RNF20: variants seen among roughly 807,000 people sequenced by gnomAD.
RNF20 encodes ring finger protein 20.
A neutral mutation model predicts 126.2 loss-of-function variants in RNF20; 84 were observed. That is an observed-to-expected ratio of 0.67 (90% confidence interval 0.56 to 0.80). RNF20 has a LOEUF of 0.80. RNF20 is among the 30% of genes least tolerant of loss of function. The pLI, the probability that RNF20 is intolerant of heterozygous loss-of-function variation, is 0.00. For synonymous variants in RNF20, 400 were observed against 414.3 expected, an observed-to-expected ratio of 0.97 and a Z score of 0.42; for missense variants, 869 against 1,188.2, an observed-to-expected ratio of 0.73 and a Z score of 3.95.
Position 101,561,990 on chromosome 9 carries a change from G to C in RNF20, c.2730G>C (p.Met910Ile). 2 of 1,610,058 alleles carry C rather than the reference G, an allele frequency of 1.2e-6. No individual in the cohort carries two copies. The highest frequency in any genetic ancestry group is 1.7e-6 in the Non-Finnish European group (2 of 1,178,486). Residue 910 changes from methionine (M) to isoleucine (I), a missense_variant, in exon 19 of 20, where the codon ATG (methionine) becomes ATC (isoleucine). This residue lies in a region of RNF20 where 150 missense variants were observed against 173.7 expected (regional missense o/e 0.86). Transcript: ENST00000389120. ...TACCCAAGTGTGATGAGATTCTGAT[G>C]GAAGAGATTAAGGATTACAAGGTTA... The part of the protein sequence containing the change: ...DNVPKCDEIL[M>I]EEIKDYKARL...
rs1167951608 is a variant in RNF20, at chr9:101,562,977, C to T, written c.*555C>T. ...GAAATTATGTCTAGGATGATTCAGT[C>T]TATTTCCCATTTACTAGCAGAGTAA... On this transcript the variant is annotated 3_prime_UTR_variant, in exon 20 of 20. Coordinates refer to ENST00000389120, the MANE Select transcript of RNF20 (RefSeq NM_019592.7). 1 of 152,268 alleles carries T rather than the reference C, an allele frequency of 6.6e-6. No homozygotes were observed. The highest frequency in any genetic ancestry group is 1.5e-5 in the Non-Finnish European group (1 of 68,040). The allele number at this position is 152,268 out of a possible 1,614,324, so 9.4% of individuals were successfully genotyped here.
intron 1 of RNF20, chr9:101,534,269 A>C (rs1827149410): frequency 6.6e-6 from 1 of 152,120 alleles, no homozygotes; most frequent in Admixed American, 6.5e-5. Context: ...GTGCTTTAGC[A>C]TCCATTCCGC....
chr9:101,541,390 A>G (rs1179549290), intron 5 of RNF20, among the ~76,000 whole-genome samples: 2 of 152,242 alleles, frequency 1.3e-5, no homozygotes, highest in African/African-American at 4.8e-5. Flanking sequence ...TTAAATTTTT[A>G]GAAATTCTAA....
At chr9:101,551,996 G>A in intron 11 of RNF20, 145 bp from the exon 12 acceptor site, 1 of 1,315,886 alleles carries the variant, frequency 7.6e-7, no homozygotes, top group Middle Eastern at 2.0e-4. Context: ...AAGTTGACCA[G>A]TTTTGTTTTC....
chr9:101,559,015 G>A (rs1317309730), intron 16 of RNF20, among the ~76,000 whole-genome samples: 1 of 152,120 alleles, frequency 6.6e-6, no homozygotes, highest in Non-Finnish European at 1.5e-5. Context: ...TTGCTTTCTA[G>A]AATTTTTATG....
intron 13 of RNF20, 32 bp downstream of exon 13, chr9:101,552,785 C>A: frequency 6.4e-7 from 1 of 1,555,738 alleles, no homozygotes; most frequent in South Asian, 1.3e-5. Flanking sequence ...ACAGTTTCGA[C>A]TGAAAAGCTA....
intron 17 of RNF20, 58 bp from the exon 18 acceptor site, chr9:101,561,032 G>A (rs139197724): frequency 1.9e-6 from 3 of 1,603,168 alleles, no homozygotes; most frequent in Non-Finnish European, 2.6e-6. Context: ...CTAACATTTT[G>A]CCTCACTGGC....
chr9:101,541,759 C>T (rs1408498043), intron 5 of RNF20, among the ~76,000 whole-genome samples: 1 of 151,932 alleles, frequency 6.6e-6, no homozygotes, highest in East Asian at 1.9e-4. Context: ...AGAGTTGGTG[C>T]AGGTTTTAGA....
chr9:101,548,369 T>A (rs1827387151), intron 9 of RNF20, among the ~76,000 whole-genome samples: 1 of 152,182 alleles, frequency 6.6e-6, no homozygotes, highest in Non-Finnish European at 1.5e-5. Flanking sequence ...AAAGTTTTAG[T>A]TATGCAGGAT....
At chr9:101,561,024 A>G in intron 17 of RNF20, 66 bp from the exon 18 acceptor site, 8 of 1,601,662 alleles carry the variant, frequency 5.0e-6, no homozygotes, top group Non-Finnish European at 6.8e-6. Flanking sequence ...AACTTGGGCT[A>G]ACATTTTGCC....
At chr9:101,545,847 G>A (rs1827338673) in intron 6 of RNF20, among the ~76,000 whole-genome samples, 1 of 152,144 alleles carries the variant, frequency 6.6e-6, no homozygotes, top group African/African-American at 2.4e-5. Flanking sequence ...CTAACCTGGA[G>A]GGCAGTTGTT....
At chr9:101,561,526 C>T in intron 18 of RNF20, 1 of 415,518 alleles carries the variant, frequency 2.4e-6, no homozygotes, top group Admixed American at 4.2e-5. Context: ...TATAATGTCT[C>T]TATTTTTGTC....
At chr9:101,543,467 C>T (rs538610013) in intron 5 of RNF20, among the ~76,000 whole-genome samples, 2 of 147,856 alleles carry the variant, frequency 1.4e-5, no homozygotes, top group African/African-American at 5.0e-5. Context: ...CCTGCCAAGG[C>T]AGCACTGTCT....
At position 101,561,790 on chromosome 9, in the gene RNF20, A is replaced by G; in HGVS notation, c.2650-120A>G. ...CAGTTCTCTACATTTCTACAAGATA[A>G]TTGACCATAAAAGGATAGAAAGTCC... On this transcript the variant is annotated intron_variant, in intron 18 of 19. Transcript: ENST00000389120. 4 of 764,090 alleles carry G rather than the reference A, an allele frequency of 5.2e-6. 1 individual carries two copies. Among genetic ancestry groups the G allele is most frequent in the South Asian group, 2.9e-5 (2 of 69,100 alleles). 47.3% of individuals were successfully genotyped at this position (764,090 alleles called of 1,614,324 possible). A position where few individuals can be genotyped will look rare whatever the true frequency, so the allele number is the denominator to read the frequency against.
At position 101,540,303 on chromosome 9, in the gene RNF20, A is replaced by G; in HGVS notation, c.230A>G (p.Glu77Gly). 1 of 1,614,228 alleles carries G rather than the reference A, an allele frequency of 6.2e-7. No homozygotes were observed. Residue 77 changes from glutamate (E) to glycine (G), a missense_variant, in exon 3 of 20, where the codon GAA becomes GGA. By Grantham distance (98) the Glu-to-Gly change is moderately conservative. Around this residue, in one of 8 missense-constraint regions of RNF20, gnomAD observed 157 missense variants for 236.0 expected, o/e 0.67. Transcript: ENST00000389120. ...GAAGATGAACTTCGTGAGCACATTG[A>G]AAAACTGGAACGACGACAGGCCACT... ...AIEDELREHIEKLERRQATDD... is the reference protein window; with the variant it reads ...AIEDELREHIGKLERRQATDD...
At position 101,560,793 on chromosome 9, in the gene RNF20, G is replaced by T. The variant is rs369309426; in HGVS notation, c.2383-8G>T. Reference sequence around the variant, plus strand: ...CATTTGTGTTAAAATCTGATTTTCTGTTCAAAGGTTGATGCCCAGCTACAG... The same window carrying T: ...CATTTGTGTTAAAATCTGATTTTCTTTTCAAAGGTTGATGCCCAGCTACAG... On this transcript the variant is annotated splice_polypyrimidine_tract_variant and splice_region_variant and intron_variant, in intron 16 of 19. Coordinates refer to ENST00000389120, the MANE Select transcript of RNF20 (RefSeq NM_019592.7). 16 of 1,597,168 alleles carry T rather than the reference G, an allele frequency of 1.0e-5. No homozygotes were observed. Among genetic ancestry groups the T allele is most frequent in the African/African-American group, 1.4e-5 (1 of 73,596 alleles).
chr9:101,551,577 C>T (rs919796268), intron 10 of RNF20, 107 bp from the exon 11 acceptor site: 1 of 934,546 alleles, frequency 1.1e-6, no homozygotes. Flanking sequence ...TATCTGGTTT[C>T]ATTACGTATA....
chr9:101,534,869 AT>A (rs1345515929), intron 1 of RNF20, among the ~76,000 whole-genome samples: 2 of 148,848 alleles, frequency 1.3e-5, no homozygotes, highest in African/African-American at 4.9e-5. Context: ...TCACCATCCT[AT>A]TTAGAAATTT....
At chr9:101,543,261 T>C (rs756181882) in intron 5 of RNF20, among the ~76,000 whole-genome samples, 1 of 152,198 alleles carries the variant, frequency 6.6e-6, no homozygotes, top group African/African-American at 2.4e-5. Context: ...AGAGCGGCAC[T>C]GTCTAACCTG....
Sources: allele counts gnomAD v4.1 joint callset (sites outside exome capture counted in the v4.1 genomes callset), GRCh38; gene constraint gnomAD v4.1.1; regional missense constraint gnomAD v4.1.1; transcripts MANE v1.5; gene names NCBI Gene and HGNC (gene_info 2026-07-23, HGNC 2026-07-21).